Variants in DNAH14 observed in about 807,000 individuals in gnomAD.
DNAH14 encodes axonemal beta dynein heavy chain 14.
Under a neutral mutation model 520.9 loss-of-function variants are expected in DNAH14, and 478 were observed. The observed-to-expected ratio is 0.92, with a 90% CI of 0.85 to 0.99. The LOEUF (loss-of-function observed/expected upper bound fraction) is 0.99. Among genes scored for constraint, DNAH14 ranks in the 50% least tolerant of loss-of-function variants. DNAH14 has a pLI of 0.00. For synonymous variants in DNAH14, 1,581 were observed against 1,757.2 expected (o/e 0.90, Z 2.51); for missense variants, 4,831 against 5,234.5 (o/e 0.92, Z 2.38).
Position 225,080,636 on chromosome 1 carries a change from G to A in DNAH14, c.3024G>A (p.Glu1008=), listed in dbSNP as rs577054641. 56 of 1,552,024 alleles carry A rather than the reference G, an allele frequency of 3.6e-5. 1 individual carries two copies. The highest frequency in any genetic ancestry group is 3.1e-4 in the African/African-American group (23 of 73,192). ...AAAAACTATGGGAAGCACAAGAGGA[G>A]TGGAAGCGAGCCTCTTGGGAATGGA... The part of the protein sequence containing the change: ...LRKKLWEAQE[E]WKRASWEWRN... The change falls in exon 19 of 86, where the codon GAG becomes GAA. Residue 1008 remains glutamate, a synonymous_variant. Coordinates refer to ENST00000682510, the MANE Select transcript of DNAH14 (RefSeq NM_001367479.1).
Position 225,270,844 on chromosome 1 carries a change from A to T in DNAH14, c.7649A>T (p.Asp2550Val). The T allele has an allele frequency of 1.3e-6, 2 of 1,551,254 alleles. No homozygotes were observed. The highest frequency in any genetic ancestry group is 1.7e-6 in the Non-Finnish European group (2 of 1,146,812). ...CTGGTATTACCTCATCCTTCACAAGACATCTTATGTACTATTTTCCAGGTA... is the reference window on the plus strand; with the variant it reads ...CTGGTATTACCTCATCCTTCACAAGTCATCTTATGTACTATTTTCCAGGTA... ...SMLVLPHPSQ[D>V]ILCTIFQAHL... Residue 2550 changes from aspartate (D) to valine (V), a missense_variant, in exon 50 of 86, where the codon GAC (aspartate) becomes GTC (valine). Physicochemically the swap from Asp to Val is radical, Grantham distance 152. Coordinates refer to ENST00000682510, the MANE Select transcript of DNAH14 (RefSeq NM_001367479.1).
intron 12 of DNAH14, among the ~76,000 whole-genome samples, chr1:225,040,386 G>C (rs984023819): frequency 2.0e-5 from 3 of 152,224 alleles, no homozygotes; most frequent in Non-Finnish European, 4.4e-5. Context: ...ATGGTTATCT[G>C]TGGGTGGTAG....
At chr1:225,124,678 G>A (rs2077555945) in intron 27 of DNAH14, among the ~76,000 whole-genome samples, 1 of 152,036 alleles carries the variant, frequency 6.6e-6, no homozygotes, top group Non-Finnish European at 1.5e-5. Flanking sequence ...ACCCCTTAAA[G>A]TCGTCCATGA....
At chr1:225,300,723 T>C (rs56928873) in intron 55 of DNAH14, 146 bp from the exon 56 acceptor site, 11 of 748,832 alleles carry the variant, frequency 1.5e-5, no homozygotes, top group Non-Finnish European at 2.1e-5. Flanking sequence ...AGGTGGGGGG[T>C]GGGGGAGATT....
intron 19 of DNAH14, among the ~76,000 whole-genome samples, chr1:225,081,596 G>C (rs540244792): frequency 2.0e-5 from 3 of 152,278 alleles, no homozygotes; most frequent in African/African-American, 7.2e-5. Context: ...AAAAACTAAA[G>C]TTACACTCTT....
chr1:225,091,157 A>G (rs3101905), intron 21 of DNAH14, among the ~76,000 whole-genome samples: 24,152 of 151,980 alleles, frequency 0.16, 3,650 homozygotes, highest in African/African-American at 0.39. Flanking sequence ...AAAACAACTT[A>G]GAAAACGTAT....
At chr1:225,200,010 G>T (rs1158877148) in intron 38 of DNAH14, among the ~76,000 whole-genome samples, 1 of 151,572 alleles carries the variant, frequency 6.6e-6, no homozygotes, top group African/African-American at 2.4e-5. Flanking sequence ...AAATTTGGGA[G>T]CTCCAGTGTT....
intron 79 of DNAH14, 64 bp downstream of exon 79, chr1:225,377,500 C>G (rs1390082386): frequency 6.8e-7 from 1 of 1,469,106 alleles, no homozygotes; most frequent in Non-Finnish European, 9.1e-7. Context: ...CAGCTCATGC[C>G]TGTAATCCCA....
At chr1:225,189,154 A>T (rs2149336138) in intron 37 of DNAH14, among the ~76,000 whole-genome samples, 1 of 151,430 alleles carries the variant, frequency 6.6e-6, no homozygotes, top group Non-Finnish European at 1.5e-5. Context: ...GGTTACATTG[A>T]TTGATTTTCT....
At chr1:225,389,936 T>C (rs1575159502) in intron 83 of DNAH14, 63 bp downstream of exon 83, 3 of 1,447,220 alleles carry the variant, frequency 2.1e-6, no homozygotes, top group Non-Finnish European at 2.8e-6. Context: ...TCAGTCCTTC[T>C]GTCACTCACC....
In DNAH14 at chr1:225,276,567, C is replaced by G. The variant is rs571382790; in HGVS notation, c.8178+486C>G. ...AAACCAATTTTCTGCATCTCTTTCT[C>G]CTACCACTTATCCTACTTGCCAAGA... is the stretch of plus-strand genomic sequence containing the variant. On this transcript the variant is annotated intron_variant, in intron 53 of 85. Coordinates refer to ENST00000682510, the MANE Select transcript of DNAH14 (RefSeq NM_001367479.1). 3.3e-5 allele frequency among the ~76,000 whole-genome samples: 5 copies of G among 152,236 alleles called. No homozygotes were observed. The South Asian group carries it at 6.2e-4, about 19-fold the overall frequency.
chr1:225,103,465 A>G (rs371559049), intron 23 of DNAH14, among the ~76,000 whole-genome samples: 1 of 152,132 alleles, frequency 6.6e-6, no homozygotes, highest in East Asian at 1.9e-4. Context: ...CATTGAATCT[A>G]TAAATTACCT....
intron 36 of DNAH14, among the ~76,000 whole-genome samples, chr1:225,181,235 G>A (rs2083956317): frequency 6.6e-6 from 1 of 152,128 alleles, no homozygotes; most frequent in South Asian, 2.1e-4. Context: ...CCGTTAATGG[G>A]CACCTAGGTT....
rs1657293759 is a variant in DNAH14, at chr1:225,145,342, G to A, written c.4757G>A (p.Cys1586Tyr). The A allele has an allele frequency of 6.5e-7, 1 of 1,546,160 alleles. No individual in the cohort carries two copies. Among genetic ancestry groups the A allele is most frequent in the Admixed American group, 2.0e-5 (1 of 50,350 alleles). The change falls in exon 30 of 86, where the codon TGT becomes TAT. Residue 1586 changes from cysteine to tyrosine, a missense_variant. Physicochemically the swap from Cys to Tyr is radical, Grantham distance 194. Transcript: ENST00000682510. The stretch of plus-strand genomic sequence containing the variant: ...GTTTCCCAGTCCTTAGGCAAACATT[G>A]TGTGGTCTTCAACTGTTTTGAGGAT... ...KDLAKSLGKH[C>Y]VVFNCFEDLD...
At chr1:225,062,022 T>C (rs542880692) in intron 17 of DNAH14, among the ~76,000 whole-genome samples, 2 of 152,316 alleles carry the variant, frequency 1.3e-5, no homozygotes, top group South Asian at 4.1e-4. Flanking sequence ...ACTGGCTGGG[T>C]ACATTGGCTC....
At chr1:224,963,399 T>G (rs1169019415) in intron 4 of DNAH14, among the ~76,000 whole-genome samples, 2 of 152,122 alleles carry the variant, frequency 1.3e-5, no homozygotes. Context: ...TTTCTATAAT[T>G]TGTTTTTCCA....
intron 60 of DNAH14, among the ~76,000 whole-genome samples, chr1:225,309,396 G>C (rs532304306): frequency 9.9e-5 from 15 of 152,166 alleles, no homozygotes; most frequent in Non-Finnish European, 2.2e-4. Context: ...GGTAACAGAA[G>C]AGGCAAATCC....
At chr1:225,371,645 A>G (rs1007064415) in intron 77 of DNAH14, among the ~76,000 whole-genome samples, 4 of 152,166 alleles carry the variant, frequency 2.6e-5, no homozygotes, top group African/African-American at 4.8e-5. Flanking sequence ...TGTTGATTAT[A>G]TAATTGTACG....
At chr1:225,085,910 A>T in intron 21 of DNAH14, 121 bp downstream of exon 21, 2 of 996,488 alleles carry the variant, frequency 2.0e-6, no homozygotes, top group East Asian at 3.0e-5. Context: ...TTATATAAAA[A>T]TTACAATGAA....
Sources: gnomAD v4.1 joint callset for allele counts (sites outside exome capture counted in the v4.1 genomes callset) on GRCh38, gnomAD v4.1.1 for gene constraint, MANE v1.5 for transcripts, NCBI Gene and HGNC (gene_info 2026-07-23, HGNC 2026-07-21) for gene names.